Variants in DLGAP2 observed in about 807,000 individuals in gnomAD.
DLGAP2 encodes DLG associated protein 2.
In DLGAP2, 26 loss-of-function variants were observed where a neutral mutation model predicts 100.3. The observed-to-expected ratio is 0.26, with a 90% CI of 0.19 to 0.36. The LOEUF (loss-of-function observed/expected upper bound fraction) is 0.36, where lower values mean the gene tolerates loss of function less well. Among genes scored for constraint, DLGAP2 ranks in the 10% least tolerant of loss-of-function variants. DLGAP2 has a pLI of 1.00. For synonymous variants in DLGAP2, 886 were observed against 630.1 expected, an observed-to-expected ratio of 1.41 and a Z score of -6.08; for missense variants, 1,858 against 1,453.2, an observed-to-expected ratio of 1.28 and a Z score of -4.53.
chr8:1,556,526 G>A (rs943903249), intron 5 of DLGAP2, among the ~76,000 whole-genome samples: 18 of 152,338 alleles, frequency 1.2e-4, no homozygotes, highest in African/African-American at 4.3e-4. Context: ...CGCTGAGTCT[G>A]TGTCTCCTGC....
At chr8:788,697 TG>T (rs561916228) in intron 1 of DLGAP2, among the ~76,000 whole-genome samples, 101 of 152,332 alleles carry the variant, frequency 6.6e-4, no homozygotes, top group African/African-American at 2.3e-3. Flanking sequence ...TCCTCCTTCC[TG>T]GGGGCAGTGT....
chr8:812,327 C>T (rs1344049200), intron 1 of DLGAP2, among the ~76,000 whole-genome samples: 1 of 152,020 alleles, frequency 6.6e-6, no homozygotes, highest in Non-Finnish European at 1.5e-5. Flanking sequence ...TCCTGACTGC[C>T]CATGGGGGAT....
At chr8:1,666,813 G>A (rs2130835332) in intron 8 of DLGAP2, among the ~76,000 whole-genome samples, 1 of 152,280 alleles carries the variant, frequency 6.6e-6, no homozygotes, top group South Asian at 2.1e-4. Flanking sequence ...AGGTCAGAGT[G>A]GATTAGGAAA....
At chr8:1,001,397 C>G (rs968790828) in intron 2 of DLGAP2, among the ~76,000 whole-genome samples, 34 of 152,242 alleles carry the variant, frequency 2.2e-4, no homozygotes, top group African/African-American at 8.2e-4. Context: ...CTTTTTAGGC[C>G]AACATTTTGA....
chr8:1,240,565 C>CTTACATGGCGCCGTGTCTAGTTCTG (rs1798765606), intron 2 of DLGAP2, among the ~76,000 whole-genome samples: 1 of 147,188 alleles, frequency 6.8e-6, no homozygotes, highest in African/African-American at 2.5e-5. Flanking sequence ...GTCTAGTTCT[C>CTTACATGGCGCCGTGTCTAGTTCTG]TTACATGGCG....
At chr8:1,139,712 G>A (rs1257962732) in intron 2 of DLGAP2, among the ~76,000 whole-genome samples, 16 of 152,178 alleles carry the variant, frequency 1.1e-4, no homozygotes, top group Non-Finnish European at 2.4e-4. Flanking sequence ...CACCCGACAG[G>A]CCCCTGTTAT....
chr8:1,422,161 C>T (rs749278063), intron 3 of DLGAP2, among the ~76,000 whole-genome samples: 6 of 152,068 alleles, frequency 3.9e-5, no homozygotes, highest in Non-Finnish European at 8.8e-5. Context: ...ATGGCTGAGT[C>T]GCGAGGATGT....
At chr8:1,343,485 A>G (rs541520280) in intron 3 of DLGAP2, among the ~76,000 whole-genome samples, 66 of 152,260 alleles carry the variant, frequency 4.3e-4, no homozygotes, top group African/African-American at 1.5e-3. Flanking sequence ...TCAGAGGGAA[A>G]ACTGGCACCA....
intron 6 of DLGAP2, among the ~76,000 whole-genome samples, chr8:1,576,547 C>T (rs914475804): frequency 8.5e-5 from 13 of 152,158 alleles, no homozygotes; most frequent in African/African-American, 2.7e-4. Context: ...CTTGCCCATG[C>T]GTATGTCCTG....
At chr8:811,568 G>A (rs1796370526) in intron 1 of DLGAP2, among the ~76,000 whole-genome samples, 1 of 148,716 alleles carries the variant, frequency 6.7e-6, no homozygotes, top group Admixed American at 6.6e-5. Context: ...ACTATCTGGG[G>A]GCCCTGCCAG....
chr8:1,669,754 C>A lies in DLGAP2; in HGVS notation c.2172C>A (p.Phe724Leu), dbSNP rs771979028. 1.3e-6 allele frequency: 1 copy of A among 780,802 alleles called. No individual in the cohort carries two copies. Among genetic ancestry groups the A allele is most frequent in the Non-Finnish European group, 2.4e-6 (1 of 418,004 alleles). 48.4% of individuals were successfully genotyped at this position (780,802 alleles called of 1,614,324 possible). A position where few individuals can be genotyped will look rare whatever the true frequency, so the allele number is the denominator to read the frequency against. Reference protein sequence around the residue: ...CSSIGIQDSEFPEHQPYPRSD... With the variant: ...CSSIGIQDSELPEHQPYPRSD... ...ATTGTTTTGTTTAGGATTCTGAATT[C>A]CCAGAGCATCAGCCATACCCAAGGT... Residue 724 changes from phenylalanine to leucine, a missense_variant, in exon 10 of 15, where the codon TTC becomes TTA. Physicochemically the swap from Phe to Leu is conservative, Grantham distance 22. Coordinates refer to ENST00000637795, the MANE Select transcript of DLGAP2 (RefSeq NM_001346810.2).
At chr8:847,468 C>A (rs1348305208) in intron 1 of DLGAP2, among the ~76,000 whole-genome samples, 1 of 151,644 alleles carries the variant, frequency 6.6e-6, no homozygotes, top group African/African-American at 2.4e-5. Flanking sequence ...TTAAAATGAT[C>A]TTTTTGATTG....
chr8:788,408 G>T (rs1247828078), intron 1 of DLGAP2, among the ~76,000 whole-genome samples: 1 of 152,150 alleles, frequency 6.6e-6, no homozygotes, highest in South Asian at 2.1e-4. Context: ...CCGTGTCCAC[G>T]TGGTCTAGTT....
At chr8:1,559,744 C>T (rs1051098894) in intron 5 of DLGAP2, among the ~76,000 whole-genome samples, 1 of 152,264 alleles carries the variant, frequency 6.6e-6, no homozygotes, top group Admixed American at 6.5e-5. Context: ...CACCAGCCAG[C>T]CTCAGCCTCC....
chr8:1,320,467 C>G (rs1338504618), intron 3 of DLGAP2, among the ~76,000 whole-genome samples: 1 of 152,112 alleles, frequency 6.6e-6, no homozygotes, highest in East Asian at 1.9e-4. Flanking sequence ...TCTGCCGAGG[C>G]TGGGAAGGCA....
chr8:1,099,237 C>T (rs2701956), intron 2 of DLGAP2, among the ~76,000 whole-genome samples: 60,766 of 152,022 alleles, frequency 0.4, 12,617 homozygotes, highest in Admixed American at 0.48. Flanking sequence ...GATGAATTCC[C>T]GCAGAGGGCT....
intron 2 of DLGAP2, among the ~76,000 whole-genome samples, chr8:1,001,888 G>C (rs544044567): frequency 6.6e-6 from 1 of 152,312 alleles, no homozygotes; most frequent in African/African-American, 2.4e-5. Context: ...TGAGGCTCAA[G>C]AAAGGGCTTG....
At chr8:1,675,051 C>T (rs1436478215) in intron 10 of DLGAP2, among the ~76,000 whole-genome samples, 1 of 152,182 alleles carries the variant, frequency 6.6e-6, no homozygotes, top group Non-Finnish European at 1.5e-5. Context: ...AATGTTCTTC[C>T]TCCTGTAGCC....
intron 2 of DLGAP2, among the ~76,000 whole-genome samples, chr8:958,492 C>T (rs750291037): frequency 2.0e-5 from 3 of 148,636 alleles, no homozygotes; most frequent in South Asian, 4.3e-4. Flanking sequence ...GAGATGGAAG[C>T]GGCTCATTCA....
Sources: allele counts gnomAD v4.1 joint callset (sites outside exome capture counted in the v4.1 genomes callset), GRCh38; gene constraint gnomAD v4.1.1; transcripts MANE v1.5; gene names NCBI Gene and HGNC (gene_info 2026-07-23, HGNC 2026-07-21).